The following TCF7L1 variants were observed in gnomAD, a reference collection of about 807,000 sequenced individuals.
TCF7L1 encodes transcription factor 7-like 1.
In TCF7L1, 18 loss-of-function variants were observed where a neutral mutation model predicts 63.7. The ratio of observed to expected loss-of-function variants is 0.28; its 90% confidence interval spans 0.20 to 0.42. The LOEUF (loss-of-function observed/expected upper bound fraction) is 0.42, where lower values mean the gene tolerates loss of function less well. TCF7L1 is among the 10% of genes least tolerant of loss of function. The pLI is 1.00. For synonymous variants in TCF7L1, 355 were observed against 340.9 expected, an observed-to-expected ratio of 1.04 and a Z score of -0.46; for missense variants, 654 against 779.3, an observed-to-expected ratio of 0.84 and a Z score of 1.91.
At position 85,278,951 on chromosome 2, in the gene TCF7L1, A is replaced by G. The variant is rs537548921; in HGVS notation, c.442-4544A>G. On this transcript the variant is annotated intron_variant, in intron 3 of 11. Transcript: ENST00000282111. The stretch of plus-strand genomic sequence containing the variant: ...CCAGGCCATCAGTTGCATTGATGCC[A>G]TTCATCACCATTTCAATGTGTTACA... 2.6e-5 allele frequency among the ~76,000 whole-genome samples: 4 copies of G among 152,234 alleles called. No individual in the cohort carries two copies. The East Asian group carries it at 7.7e-4, about 29-fold the overall frequency.
intron 3 of TCF7L1, among the ~76,000 whole-genome samples, chr2:85,237,559 C>T (rs72831497): frequency 0.042 from 6,324 of 152,228 alleles, 142 homozygotes; most frequent in African/African-American, 0.05. Context: ...GAAAATGTCA[C>T]TATCCATGTA....
intron 3 of TCF7L1, among the ~76,000 whole-genome samples, chr2:85,214,496 A>G (rs944594434): frequency 6.6e-6 from 1 of 152,228 alleles, no homozygotes; most frequent in African/African-American, 2.4e-5. Context: ...CCAAAACTGT[A>G]CAAAAGACAT....
chr2:85,160,561 AAAG>A (rs1163326107), intron 3 of TCF7L1, among the ~76,000 whole-genome samples: 1 of 152,098 alleles, frequency 6.6e-6, no homozygotes, highest in Non-Finnish European at 1.5e-5. Flanking sequence ...TTTTTTAAAA[AAAG>A]AAGCAGGCTG....
At chr2:85,242,210 A>G (rs1680350185) in intron 3 of TCF7L1, among the ~76,000 whole-genome samples, 2 of 151,840 alleles carry the variant, frequency 1.3e-5, no homozygotes, top group Non-Finnish European at 2.9e-5. Context: ...CATTGATACC[A>G]TGAGGCTGGA....
intron 3 of TCF7L1, among the ~76,000 whole-genome samples, chr2:85,152,907 G>T (rs1444546756): frequency 1.3e-5 from 2 of 152,156 alleles, no homozygotes; most frequent in Non-Finnish European, 2.9e-5. Context: ...TCTACCAACT[G>T]ATACATTTCA....
chr2:85,218,318 A>G (rs954663836), intron 3 of TCF7L1, among the ~76,000 whole-genome samples: 18 of 151,990 alleles, frequency 1.2e-4, no homozygotes, highest in African/African-American at 4.4e-4. Flanking sequence ...GTGCAGTGGC[A>G]CGATCTTGGC....
intron 3 of TCF7L1, among the ~76,000 whole-genome samples, chr2:85,250,145 G>A (rs1461598996): frequency 6.6e-6 from 1 of 152,228 alleles, no homozygotes; most frequent in African/African-American, 2.4e-5. Flanking sequence ...TCCTGGTGGG[G>A]AGGATTGTGC....
At chr2:85,213,033 G>A (rs375964472) in intron 3 of TCF7L1, among the ~76,000 whole-genome samples, 37 of 152,208 alleles carry the variant, frequency 2.4e-4, no homozygotes, top group African/African-American at 8.9e-4. Context: ...TGAGGTGTGG[G>A]GTGGGGTGAG....
intron 3 of TCF7L1, among the ~76,000 whole-genome samples, chr2:85,279,717 C>T (rs377565875): frequency 1.3e-5 from 2 of 152,270 alleles, no homozygotes; most frequent in East Asian, 3.9e-4. Flanking sequence ...GGGAAAGTCA[C>T]GATCCTCCAC....
At chr2:85,299,860 A>ACACACACACACACACACACACACAC (rs1681927934) in intron 4 of TCF7L1, among the ~76,000 whole-genome samples, 2 of 92,706 alleles carry the variant, frequency 2.2e-5, no homozygotes, top group African/African-American at 4.4e-5. Flanking sequence ...CCTTGTCTCA[A>ACACACACACACACACACACACACAC]ACACACACAC....
At chr2:85,240,879 G>A (rs10205484) in intron 3 of TCF7L1, among the ~76,000 whole-genome samples, 18,195 of 151,996 alleles carry the variant, frequency 0.12, 1,608 homozygotes, top group African/African-American at 0.24. Flanking sequence ...TGAAAAAATA[G>A]TCTTGCAGCC....
intron 3 of TCF7L1, among the ~76,000 whole-genome samples, chr2:85,271,673 A>T (rs1055915927): frequency 6.6e-6 from 1 of 152,188 alleles, no homozygotes; most frequent in African/African-American, 2.4e-5. Flanking sequence ...TATGTACTTT[A>T]AAAATCTCTC....
At chr2:85,212,089 CAAAAAAAAAAAAA>C (rs61280306) in intron 3 of TCF7L1, among the ~76,000 whole-genome samples, 3 of 69,808 alleles carry the variant, frequency 4.3e-5, no homozygotes, top group Non-Finnish European at 8.1e-5. Context: ...GACTCCATCT[CAAAAAAAAAAAAA>C]AAAAAAAAAA....
intron 3 of TCF7L1, among the ~76,000 whole-genome samples, chr2:85,229,291 G>A (rs563697583): frequency 4.6e-5 from 7 of 152,298 alleles, no homozygotes. Flanking sequence ...AGCTTGCAGT[G>A]AGCTGAGATC....
At chr2:85,265,533 G>A (rs752593202) in intron 3 of TCF7L1, among the ~76,000 whole-genome samples, 9 of 152,020 alleles carry the variant, frequency 5.9e-5, no homozygotes, top group Non-Finnish European at 1.0e-4. Flanking sequence ...CTGTAGAGTG[G>A]ACCCTTCCTC....
rs1432032022 is a variant in TCF7L1 at position 85,295,696 on chromosome 2, T to C, written c.526-6788T>C. On this transcript the variant is annotated intron_variant, in intron 4 of 11. Coordinates refer to ENST00000282111, the MANE Select transcript of TCF7L1 (RefSeq NM_031283.3). ...TTGTGACCCTTTACCCTTAAATATT[T>C]TAGCTATATTATCTAAGAACAAAGG... Among the ~76,000 whole-genome samples, 3 of 152,036 alleles carry C rather than the reference T, an allele frequency of 2.0e-5. No individual in the cohort carries two copies. In the East Asian group the frequency reaches 5.8e-4, roughly 29 times the overall value.
chr2:85,302,405 T>C, intron 4 of TCF7L1, 79 bp from the exon 5 acceptor site: 1 of 1,599,894 alleles, frequency 6.3e-7, no homozygotes, highest in Non-Finnish European at 8.5e-7. Context: ...ACCTGGCACT[T>C]ACTTGATTCC....
intron 3 of TCF7L1, among the ~76,000 whole-genome samples, chr2:85,247,870 A>G (rs867205773): frequency 6.6e-6 from 1 of 152,218 alleles, no homozygotes; most frequent in Non-Finnish European, 1.5e-5. Flanking sequence ...TGACTTTCCC[A>G]GATGCAGTGA....
rs113444005 is a variant in TCF7L1, at chr2:85,252,116, T to G, written c.442-31379T>G. On this transcript the variant is annotated intron_variant, in intron 3 of 11. Coordinates refer to ENST00000282111, the MANE Select transcript of TCF7L1 (RefSeq NM_031283.3). ...CACTCCAGATGCTTCTCTGCTGCTG[T>G]GTGTGCATTGGGTGGTACAGTGACA... 3.3e-3 allele frequency among the ~76,000 whole-genome samples: 502 copies of G among 152,208 alleles called. 4 individuals are homozygous for G. The highest frequency in any genetic ancestry group is 0.011 in the African/African-American group (474 of 41,528).
Sources: allele counts gnomAD v4.1 joint callset (sites outside exome capture counted in the v4.1 genomes callset), GRCh38; gene constraint gnomAD v4.1.1; transcripts MANE v1.5; gene names NCBI Gene and HGNC (gene_info 2026-07-23, HGNC 2026-07-21).